The following CCDC141 variants were observed in gnomAD, a reference collection of about 807,000 sequenced individuals.
The protein encoded by CCDC141 is coiled-coil domain containing 141.
CCDC141 carries 168 observed loss-of-function variants against 181.0 expected under a neutral mutation model. The observed-to-expected ratio is 0.93, with a 90% CI of 0.82 to 1.05. The LOEUF (loss-of-function observed/expected upper bound fraction) is 1.05, where lower values mean the gene tolerates loss of function less well. Ranked by LOEUF, CCDC141 falls within the 50% of genes least tolerant of loss-of-function variation. The probability of loss-of-function intolerance (pLI) is 0.00; values close to 1 mark genes in which losing one functional copy is unlikely to be tolerated. For synonymous variants in CCDC141, 666 were observed against 642.3 expected (o/e 1.04, Z -0.56); for missense variants, 1,902 against 1,788.5 (o/e 1.06, Z -1.14).
intron 2 of CCDC141, among the ~76,000 whole-genome samples, chr2:179,016,160 A>G (rs1218107721): frequency 6.8e-6 from 1 of 146,382 alleles, no homozygotes; most frequent in Non-Finnish European, 1.5e-5. Flanking sequence ...ACACAAAGGC[A>G]TAAGAATGAA....
intron 9 of CCDC141, among the ~76,000 whole-genome samples, chr2:178,887,525 T>TG (rs1686943688): frequency 6.6e-6 from 1 of 152,126 alleles, no homozygotes; most frequent in Non-Finnish European, 1.5e-5. Flanking sequence ...GGCTCCAAAT[T>TG]GGCAATAGGA....
intron 11 of CCDC141, among the ~76,000 whole-genome samples, chr2:178,883,637 TTA>T (rs1263452898): frequency 2.0e-5 from 3 of 152,110 alleles, no homozygotes; most frequent in Non-Finnish European, 4.4e-5. Context: ...AAGCACATAC[TTA>T]TCTTGGGTTG....
intron 2 of CCDC141, among the ~76,000 whole-genome samples, chr2:179,044,223 C>T (rs2043408101): frequency 6.6e-6 from 1 of 152,154 alleles, no homozygotes; most frequent in Admixed American, 6.5e-5. Flanking sequence ...TGAAAATGGC[C>T]ATGCTGCCCA....
At chr2:178,899,277 A>T (rs183727419) in intron 8 of CCDC141, among the ~76,000 whole-genome samples, 127 of 152,272 alleles carry the variant, frequency 8.3e-4, no homozygotes, top group African/African-American at 3.0e-3. Context: ...TGTGTGTAAG[A>T]TGTGTGTAAG....
chr2:179,006,681 G>A (rs192755940), intron 2 of CCDC141, among the ~76,000 whole-genome samples: 16 of 152,268 alleles, frequency 1.1e-4, no homozygotes, highest in Admixed American at 2.6e-4. Context: ...CAGGGTTGGC[G>A]AGAGACATAT....
chr2:179,003,961 CAAAT>C (rs1335495191), intron 2 of CCDC141, among the ~76,000 whole-genome samples: 1 of 151,986 alleles, frequency 6.6e-6, no homozygotes, highest in Non-Finnish European at 1.5e-5. Flanking sequence ...TATATGAAAA[CAAAT>C]AATTGTATCA....
At chr2:178,912,660 C>A (rs1346878737) in intron 7 of CCDC141, among the ~76,000 whole-genome samples, 1 of 152,118 alleles carries the variant, frequency 6.6e-6, no homozygotes, top group Non-Finnish European at 1.5e-5. Flanking sequence ...AGGTTTGCAT[C>A]ATCATGACTT....
chr2:178,893,827 A>T (rs200893916), intron 8 of CCDC141, among the ~76,000 whole-genome samples: 3 of 141,250 alleles, frequency 2.1e-5, no homozygotes, highest in Non-Finnish European at 4.6e-5. Flanking sequence ...ACACACGCAC[A>T]CACACACACA....
At chr2:178,906,234 A>G (rs1289370767) in intron 7 of CCDC141, among the ~76,000 whole-genome samples, 1 of 152,250 alleles carries the variant, frequency 6.6e-6, no homozygotes, top group Non-Finnish European at 1.5e-5. Flanking sequence ...TAGCAGATCA[A>G]CAACCCAGCA....
In CCDC141 at chr2:178,977,061, T is replaced by C. The variant is rs1347367060; in HGVS notation, c.417+1423A>G. ...ATACAAAGGGGACATAAGGATTATA[T>C]AGGAGTTTGTCTTCAGTTTAGTATG... On this transcript the variant is annotated intron_variant, in intron 3 of 23. Transcript: ENST00000443758. Among the ~76,000 whole-genome samples, 3 of 152,150 alleles carry C rather than the reference T, an allele frequency of 2.0e-5. No homozygotes were observed. In the East Asian group the frequency reaches 5.8e-4, roughly 29 times the overall value.
At chr2:178,822,420 A>G in the CCDC141 span, among the ~76,000 whole-genome samples, 1 of 132,356 alleles carries the variant, frequency 7.6e-6, no homozygotes, top group African/African-American at 2.9e-5. Context: ...TAAAAAAAAA[A>G]TCCCTCCTGA....
Position 178,990,868 on chromosome 2 carries a change from G to A in CCDC141, c.226-12193C>T, listed in dbSNP as rs996558658. Among the ~76,000 whole-genome samples, 16 of 152,144 alleles carry A rather than the reference G, an allele frequency of 1.1e-4. No homozygotes were observed. In the East Asian group the frequency reaches 2.1e-3, roughly 20 times the overall value. ...CTTTTGGGCTGATGGAAAGGTTTTG[G>A]ATCTAGATAGAGGTGATGGTTGCAC... On this transcript the variant is annotated intron_variant, in intron 2 of 23. Transcript: ENST00000443758.
At chr2:178,851,790 T>C (rs552501086) in intron 20 of CCDC141, among the ~76,000 whole-genome samples, 2 of 152,330 alleles carry the variant, frequency 1.3e-5, no homozygotes, top group East Asian at 3.9e-4. Context: ...GTCTCTTGAA[T>C]GGAGGAACTA....
At chr2:178,932,583 CACAT>C (rs1689142327) in intron 6 of CCDC141, among the ~76,000 whole-genome samples, 1 of 152,068 alleles carries the variant, frequency 6.6e-6, no homozygotes, top group Admixed American at 6.6e-5. Context: ...TGAAAAACAA[CACAT>C]ACAATTTTTT....
intron 19 of CCDC141, 103 bp from the exon 20 acceptor site, chr2:178,853,727 G>A: frequency 3.3e-6 from 3 of 912,108 alleles, no homozygotes; most frequent in Non-Finnish European, 1.6e-6. Flanking sequence ...TCAACTTAAT[G>A]TTCACATTGG....
chr2:179,027,551 A>G (rs1232460428), intron 2 of CCDC141, among the ~76,000 whole-genome samples: 1 of 146,106 alleles, frequency 6.8e-6, no homozygotes, highest in East Asian at 2.1e-4. Context: ...AGGCTGAGGC[A>G]GGAGAATGGC....
intron 2 of CCDC141, among the ~76,000 whole-genome samples, chr2:179,011,856 A>G (rs2042279372): frequency 6.6e-6 from 1 of 152,140 alleles, no homozygotes; most frequent in Non-Finnish European, 1.5e-5. Flanking sequence ...GAAATTAAAT[A>G]ATCTCCTGAA....
downstream of CCDC141, among the ~76,000 whole-genome samples, chr2:178,826,336 G>GTT (rs1684125022): frequency 6.6e-6 from 1 of 152,132 alleles, no homozygotes; most frequent in Non-Finnish European, 1.5e-5. Flanking sequence ...TTAGTGTTGT[G>GTT]TTGAGGATTT....
intron 2 of CCDC141, chr2:179,002,806 T>C (rs889150104): frequency 3.8e-4 from 59 of 153,824 alleles, no homozygotes; most frequent in Non-Finnish European, 7.5e-4. Context: ...AAAATCAGAC[T>C]ACACTCCCCA....
Sources: allele counts gnomAD v4.1 joint callset (sites outside exome capture counted in the v4.1 genomes callset), GRCh38; gene constraint gnomAD v4.1.1; transcripts MANE v1.5; gene names NCBI Gene and HGNC (gene_info 2026-07-23, HGNC 2026-07-21).